CWC27: variants seen among roughly 807,000 people sequenced by gnomAD.
The protein encoded by CWC27 is CWC27 spliceosome associated cyclophilin.
Under a neutral mutation model 63.6 loss-of-function variants are expected in CWC27, and 47 were observed. The ratio of observed to expected loss-of-function variants is 0.74; its 90% CI spans 0.58 to 0.94. The LOEUF is 0.94. CWC27 is among the 40% of genes least tolerant of loss of function. CWC27 has a pLI of 0.00. For missense variants in CWC27, 495 were observed against 554.3 expected (o/e 0.89, Z 1.07); for synonymous variants, 175 against 179.8 (o/e 0.97, Z 0.22).
rs548791698 is a variant in CWC27 at position 64,987,065 on chromosome 5, ATTTTTAT to A, written c.1256+9840_1256+9846del. 2.3e-3 allele frequency among the ~76,000 whole-genome samples: 345 copies of A among 151,032 alleles called. 3 individuals are homozygous for A. The highest frequency in any genetic ancestry group is 7.8e-3 in the African/African-American group (322 of 41,228). ...TGTTTTGTTTTGTTTTGTTTTGTTT[ATTTTTAT>A]TTTTTATTTTTTTATTATTATACTT... On this transcript the variant is annotated intron_variant, in intron 13 of 13. Transcript: ENST00000381070.
At chr5:64,973,982 C>G (rs780957353) in intron 12 of CWC27, among the ~76,000 whole-genome samples, 1 of 151,876 alleles carries the variant, frequency 6.6e-6, no homozygotes, top group African/African-American at 2.4e-5. Context: ...CTCTTGTAAT[C>G]CCAGGACTTT....
In CWC27 at chr5:64,863,543, G is replaced by A. The variant is rs138467660; in HGVS notation, c.939-21900G>A. Among the ~76,000 whole-genome samples, 586 of 151,850 alleles carry A rather than the reference G, an allele frequency of 3.9e-3. 2 individuals carry two copies. The highest frequency in any genetic ancestry group is 0.013 in the African/African-American group (549 of 41,396). ...AGGATATCACTCTGTTTCCCAAGCCGGAATGCAGTGGTGTGATCATAGCTC... is the reference window on the plus strand; with the variant it reads ...AGGATATCACTCTGTTTCCCAAGCCAGAATGCAGTGGTGTGATCATAGCTC... On this transcript the variant is annotated intron_variant, in intron 10 of 13. Coordinates refer to ENST00000381070, the MANE Select transcript of CWC27 (RefSeq NM_005869.4).
At chr5:64,903,540 G>A (rs1747554855) in intron 11 of CWC27, among the ~76,000 whole-genome samples, 1 of 152,020 alleles carries the variant, frequency 6.6e-6, no homozygotes. Context: ...ATCGGGGCAA[G>A]GGGAGGGAGA....
chr5:64,769,374 G>T (rs1409552823), intron 1 of CWC27, among the ~76,000 whole-genome samples, 186 bp downstream of exon 1: 1 of 152,190 alleles, frequency 6.6e-6, no homozygotes, highest in Non-Finnish European at 1.5e-5. Flanking sequence ...GGATGTACTT[G>T]AAGAAGTCAA....
At chr5:64,887,364 T>C (rs1185285701) in intron 11 of CWC27, among the ~76,000 whole-genome samples, 2 of 152,118 alleles carry the variant, frequency 1.3e-5, no homozygotes, top group African/African-American at 2.4e-5. Flanking sequence ...CTTTTATTTA[T>C]TTATTTATTT....
intron 11 of CWC27, among the ~76,000 whole-genome samples, chr5:64,891,770 C>CG (rs1747242841): frequency 3.0e-5 from 3 of 100,760 alleles, no homozygotes; most frequent in Admixed American, 9.9e-5. Flanking sequence ...GCTTGGGATA[C>CG]TTTGTTGTTG....
intron 11 of CWC27, among the ~76,000 whole-genome samples, chr5:64,944,055 C>T (rs779675370): frequency 6.6e-6 from 1 of 152,022 alleles, no homozygotes; most frequent in Admixed American, 6.6e-5. Flanking sequence ...TGCCGCACGC[C>T]CCCATCACCT....
chr5:64,846,993 C>CA (rs35090437), intron 10 of CWC27, among the ~76,000 whole-genome samples: 48,945 of 85,802 alleles, frequency 0.57, 12,179 homozygotes, highest in East Asian at 0.83. Context: ...GACTCCATCT[C>CA]AAAAAAAAAA....
At chr5:64,911,312 A>G (rs1465187328) in intron 11 of CWC27, among the ~76,000 whole-genome samples, 1 of 152,176 alleles carries the variant, frequency 6.6e-6, no homozygotes, top group Admixed American at 6.5e-5. Flanking sequence ...ATATTTTACT[A>G]TTTTACAAAT....
intron 2 of CWC27, among the ~76,000 whole-genome samples, chr5:64,776,068 C>CGAGAGAGAGAGAGAGA (rs70983650): frequency 6.0e-4 from 65 of 108,620 alleles, no homozygotes; most frequent in African/African-American, 1.8e-3. Context: ...AGGAGTGGAG[C>CGAGAGAGAGAGAGAGA]GAGAGAGAGA....
intron 9 of CWC27, among the ~76,000 whole-genome samples, chr5:64,802,113 G>T (rs995273270): frequency 1.3e-5 from 2 of 152,198 alleles, no homozygotes; most frequent in Admixed American, 6.6e-5. Flanking sequence ...AGAAAAGAAA[G>T]TGATGAAGGG....
rs546335385 is a variant in CWC27, at chr5:64,859,213, T to C, written c.939-26230T>C. Among the ~76,000 whole-genome samples, 15 of 152,270 alleles carry C rather than the reference T, an allele frequency of 9.9e-5. No individual in the cohort carries two copies. In the South Asian group the frequency reaches 2.3e-3, roughly 23 times the overall value. ...TATTTGAATTGTTAGAAGTAGCAACTAATCTATGATGATAGAAAGCAGAAC... is the reference window on the plus strand; with the variant it reads ...TATTTGAATTGTTAGAAGTAGCAACCAATCTATGATGATAGAAAGCAGAAC... On this transcript the variant is annotated intron_variant, in intron 10 of 13. Transcript: ENST00000381070.
In CWC27 at chr5:65,018,361, C is replaced by T. The variant is rs1203502068; in HGVS notation, c.*40C>T. On this transcript the variant is annotated 3_prime_UTR_variant, in exon 14 of 14. Transcript: ENST00000381070. The stretch of plus-strand genomic sequence containing the variant: ...TAACCAGAACTTGCTGGAAATGTGC[C>T]TACAATGGCCTTGTAACAGCCATTG... 2 of 1,525,262 alleles carry T rather than the reference C, an allele frequency of 1.3e-6. No individual in the cohort carries two copies. Among genetic ancestry groups the T allele is most frequent in the East Asian group, 2.3e-5 (1 of 43,580 alleles). The allele number at this position is 1,525,262 out of a possible 1,614,324, so 94.5% of individuals were successfully genotyped here.
chr5:64,892,614 T>C (rs1278487467), intron 11 of CWC27, among the ~76,000 whole-genome samples: 3 of 152,174 alleles, frequency 2.0e-5, no homozygotes, highest in Non-Finnish European at 2.9e-5. Flanking sequence ...TTTAAAAGAA[T>C]GTTTATATTG....
At chr5:64,883,428 T>C (rs950279866) in intron 10 of CWC27, among the ~76,000 whole-genome samples, 3 of 152,160 alleles carry the variant, frequency 2.0e-5, no homozygotes, top group African/African-American at 7.2e-5. Context: ...GTTGATGTTA[T>C]GAGATTAGAT....
rs74634111 is a variant in CWC27 at position 64,814,079 on chromosome 5, ATT to A, written c.938+9706_938+9707del. On this transcript the variant is annotated intron_variant, in intron 10 of 13. Coordinates refer to ENST00000381070, the MANE Select transcript of CWC27 (RefSeq NM_005869.4). ...AAAACATTATGAGATTTTTTTTGCGATTTTTTTTTTTTTTAGGTCATCAACTA... is the reference window on the plus strand; with the variant it reads ...AAAACATTATGAGATTTTTTTTGCGATTTTTTTTTTTTAGGTCATCAACTA... 4.8e-4 allele frequency among the ~76,000 whole-genome samples: 69 copies of A among 142,738 alleles called. 1 individual carries two copies. Among genetic ancestry groups the A allele is most frequent in the African/African-American group, 1.4e-3 (55 of 39,084 alleles). The allele number at this position is 142,738 out of a possible 152,430, so 93.6% of individuals were successfully genotyped here. A position where few individuals can be genotyped will look rare whatever the true frequency, so the allele number is the denominator to read the frequency against.
At chr5:64,784,982 C>A (rs1743831278) in intron 4 of CWC27, among the ~76,000 whole-genome samples, 1 of 152,150 alleles carries the variant, frequency 6.6e-6, no homozygotes, top group South Asian at 2.1e-4. Flanking sequence ...CAATGTGTAG[C>A]ATAGTTAGAA....
intron 11 of CWC27, among the ~76,000 whole-genome samples, chr5:64,967,366 A>G (rs1363880360): frequency 6.6e-6 from 1 of 152,070 alleles, no homozygotes; most frequent in Non-Finnish European, 1.5e-5. Context: ...ATTAATTTAT[A>G]CATTCAATGC....
intron 11 of CWC27, among the ~76,000 whole-genome samples, chr5:64,919,003 G>A (rs1015589151): frequency 3.3e-5 from 5 of 152,322 alleles, no homozygotes; most frequent in South Asian, 2.1e-4. Flanking sequence ...TTAAAACAAT[G>A]AGATAATGTC....
Sources: gnomAD v4.1 joint callset for allele counts (sites outside exome capture counted in the v4.1 genomes callset) on GRCh38, gnomAD v4.1.1 for gene constraint, MANE v1.5 for transcripts, NCBI Gene and HGNC (gene_info 2026-07-23, HGNC 2026-07-21) for gene names.